The following CADM2 variants were observed in gnomAD, a reference collection of about 807,000 sequenced individuals.
CADM2 encodes the protein cell adhesion molecule 2.
CADM2 carries 12 observed loss-of-function variants against 49.8 expected under a neutral mutation model. The observed-to-expected ratio is 0.24, with a 90% CI of 0.15 to 0.39. The LOEUF is 0.39. CADM2 is among the 10% of genes least tolerant of loss of function. The probability of loss-of-function intolerance (pLI) is 1.00; values close to 1 mark genes in which losing one functional copy is unlikely to be tolerated. For synonymous variants in CADM2, 214 were observed against 175.4 expected (o/e 1.22, Z -1.74); for missense variants, 378 against 492.3 (o/e 0.77, Z 2.20).
rs947422291 is a variant in CADM2, at chr3:84,959,582, T to C, written c.-26T>C. 6.5e-7 allele frequency: 1 copy of C among 1,536,192 alleles called. No individual in the cohort carries two copies. The highest frequency in any genetic ancestry group is 2.4e-5 in the East Asian group (1 of 40,848). On this transcript the variant is annotated 5_prime_UTR_variant, in exon 1 of 10. Coordinates refer to ENST00000383699, the MANE Select transcript of CADM2 (RefSeq NM_001167675.2). ...CAGCATCTACTTGCCCCCTCGTTCC[T>C]TCCCCAGCCCTTTAGAGAAGGGACC...
intron 1 of CADM2, among the ~76,000 whole-genome samples, chr3:85,354,647 C>T (rs1302286879): frequency 8.7e-5 from 2 of 22,968 alleles, no homozygotes; most frequent in African/African-American, 2.2e-4. Flanking sequence ...AGAGAGAAGC[C>T]TATTCTGTTG....
At chr3:85,057,605 T>G (rs2036135174) in intron 1 of CADM2, among the ~76,000 whole-genome samples, 2 of 152,100 alleles carry the variant, frequency 1.3e-5, no homozygotes, top group Admixed American at 1.3e-4. Flanking sequence ...ATTAACATGT[T>G]TTACAATAAT....
chr3:84,973,903 A>T (rs1400657205), intron 1 of CADM2, among the ~76,000 whole-genome samples: 1 of 152,178 alleles, frequency 6.6e-6, no homozygotes, highest in Non-Finnish European at 1.5e-5. Flanking sequence ...TTAAACTTTT[A>T]TTCAATATGT....
intron 1 of CADM2, among the ~76,000 whole-genome samples, chr3:85,614,546 G>C (rs1461140739): frequency 6.6e-6 from 1 of 151,708 alleles, no homozygotes; most frequent in Non-Finnish European, 1.5e-5. Flanking sequence ...ATATTGTTTT[G>C]ATTATATTCT....
intron 1 of CADM2, among the ~76,000 whole-genome samples, chr3:85,477,398 A>AG (rs2039021973): frequency 1.9e-5 from 2 of 106,560 alleles, no homozygotes; most frequent in Non-Finnish European, 4.7e-5. Flanking sequence ...TATGAAAAAA[A>AG]AATGTTAAAA....
chr3:85,115,284 C>G (rs2038601653), intron 1 of CADM2, among the ~76,000 whole-genome samples: 1 of 152,148 alleles, frequency 6.6e-6, no homozygotes, highest in South Asian at 2.1e-4. Flanking sequence ...AAATGACCCT[C>G]AAGAGCAGCA....
chr3:85,951,638 A>T (rs1291541543), intron 7 of CADM2, among the ~76,000 whole-genome samples: 1 of 151,068 alleles, frequency 6.6e-6, no homozygotes, highest in African/African-American at 2.4e-5. Flanking sequence ...GCATATTTCA[A>T]CAGATTGGAA....
At chr3:84,964,002 C>A (rs1409948099) in intron 1 of CADM2, among the ~76,000 whole-genome samples, 1 of 152,058 alleles carries the variant, frequency 6.6e-6, no homozygotes, top group African/African-American at 2.4e-5. Context: ...TTAAGAAAAT[C>A]TTTGCAAATA....
At chr3:85,569,992 C>A (rs1320061361) in intron 1 of CADM2, among the ~76,000 whole-genome samples, 2 of 152,100 alleles carry the variant, frequency 1.3e-5, no homozygotes, top group African/African-American at 2.4e-5. Flanking sequence ...TATATAGGAA[C>A]CTAGCTCATT....
intron 1 of CADM2, among the ~76,000 whole-genome samples, chr3:85,526,938 A>G (rs1444932863): frequency 6.6e-6 from 1 of 152,186 alleles, no homozygotes; most frequent in East Asian, 1.9e-4. Flanking sequence ...TTCAGTTTTA[A>G]TCTGTGATTT....
At position 85,821,227 on chromosome 3, in the gene CADM2, A is replaced by G. The variant is rs143273714; in HGVS notation, c.238+19031A>G. Among the ~76,000 whole-genome samples the G allele has an allele frequency of 7.2e-4, 110 of 152,278 alleles. No homozygotes were observed. In the East Asian group the frequency reaches 0.015, roughly 20 times the overall value. ...TCAGAATCCCAGATAGCAAGACAAGAAAGCTTTGCTCTCTTTTCCAGGAAG... is the reference window on the plus strand; with the variant it reads ...TCAGAATCCCAGATAGCAAGACAAGGAAGCTTTGCTCTCTTTTCCAGGAAG... On this transcript the variant is annotated intron_variant, in intron 3 of 9. Transcript: ENST00000383699.
intron 1 of CADM2, among the ~76,000 whole-genome samples, chr3:85,204,060 A>G (rs975019709): frequency 6.6e-6 from 1 of 152,216 alleles, no homozygotes; most frequent in Non-Finnish European, 1.5e-5. Context: ...GTTTCACTAG[A>G]GCTCAAATGA....
At chr3:85,239,708 A>G (rs1042494140) in intron 1 of CADM2, among the ~76,000 whole-genome samples, 2 of 151,394 alleles carry the variant, frequency 1.3e-5, no homozygotes, top group Non-Finnish European at 3.0e-5. Flanking sequence ...TTTGTGAGAC[A>G]TTTTTTAAAA....
intron 1 of CADM2, among the ~76,000 whole-genome samples, chr3:85,281,027 T>C (rs2043486737): frequency 6.6e-6 from 1 of 151,900 alleles, no homozygotes; most frequent in Non-Finnish European, 1.5e-5. Flanking sequence ...CGATCTTAAA[T>C]AATCTCAACA....
intron 1 of CADM2, among the ~76,000 whole-genome samples, chr3:85,374,863 A>G (rs1244339783): frequency 1.3e-5 from 2 of 152,122 alleles, no homozygotes; most frequent in Non-Finnish European, 1.5e-5. Flanking sequence ...CCCATGACAC[A>G]TGGGGATTTG....
intron 1 of CADM2, among the ~76,000 whole-genome samples, chr3:85,033,601 G>A (rs2035081618): frequency 6.6e-6 from 1 of 152,118 alleles, no homozygotes; most frequent in African/African-American, 2.4e-5. Context: ...GAATATTGGA[G>A]CAAATAAAAT....
intron 1 of CADM2, among the ~76,000 whole-genome samples, chr3:85,552,039 A>G (rs1416081078): frequency 6.6e-6 from 1 of 152,150 alleles, no homozygotes; most frequent in Non-Finnish European, 1.5e-5. Context: ...AAAAGACCAT[A>G]CAATATAATC....
chr3:85,743,158 C>T lies in CADM2; in HGVS notation c.88+16610C>T, dbSNP rs191607032. Among the ~76,000 whole-genome samples, 347 of 151,580 alleles carry T rather than the reference C, an allele frequency of 2.3e-3. 1 individual carries two copies. The highest frequency in any genetic ancestry group is 8.1e-3 in the African/African-American group (336 of 41,370). ...TTCTATCTATTGCTGATTTTTTTTTCCTTCCTACTGGCAATTTTCAGCCTA... is the reference window on the plus strand; with the variant it reads ...TTCTATCTATTGCTGATTTTTTTTTTCTTCCTACTGGCAATTTTCAGCCTA... On this transcript the variant is annotated intron_variant, in intron 2 of 9. Transcript: ENST00000383699.
intron 1 of CADM2, among the ~76,000 whole-genome samples, chr3:85,086,357 A>G (rs2037375507): frequency 6.6e-6 from 1 of 151,958 alleles, no homozygotes; most frequent in African/African-American, 2.4e-5. Flanking sequence ...AATGGATTCC[A>G]TGCCTCTCCC....
Sources: allele counts gnomAD v4.1 joint callset (sites outside exome capture counted in the v4.1 genomes callset), GRCh38; gene constraint gnomAD v4.1.1; transcripts MANE v1.5; gene names NCBI Gene and HGNC (gene_info 2026-07-23, HGNC 2026-07-21).